STK17A: variants seen among roughly 807,000 people sequenced by gnomAD.
The protein encoded by STK17A is serine/threonine-protein kinase 17A.
A neutral mutation model predicts 43.7 loss-of-function variants in STK17A; 26 were observed. The observed-to-expected ratio is 0.60, with a 90% confidence interval of 0.44 to 0.83. STK17A has a LOEUF of 0.83. Ranked by LOEUF, STK17A falls within the 40% of genes least tolerant of loss-of-function variation. STK17A has a pLI of 0.00. For missense variants in STK17A, 476 were observed against 511.6 expected, an observed-to-expected ratio of 0.93 and a Z score of 0.67; for synonymous variants, 191 against 182.5, an observed-to-expected ratio of 1.05 and a Z score of -0.38.
At chr7:43,594,157 C>G (rs2082499227) in intron 1 of STK17A, among the ~76,000 whole-genome samples, 1 of 151,888 alleles carries the variant, frequency 6.6e-6, no homozygotes, top group Non-Finnish European at 1.5e-5. Flanking sequence ...ATACAGGAGG[C>G]TGAGGTGGGA....
rs1422330143 is a variant in STK17A at position 43,624,835 on chromosome 7, TCTA to T, written c.1241_1243del (p.Tyr414del). 2 of 1,597,460 alleles carry T rather than the reference TCTA, an allele frequency of 1.3e-6. No homozygotes were observed. Among genetic ancestry groups the T allele is most frequent in the African/African-American group, 2.7e-5 (2 of 73,988 alleles). On this transcript the variant is annotated inframe_deletion, in exon 7 of 7. Transcript: ENST00000319357. ...CTACAAGAAATTCCAGGAGAATTTA[TCTA>T]CTGAGCAATATTTCCCTTTAGAACT...
At chr7:43,619,392 G>A (rs2083641331) in intron 3 of STK17A, among the ~76,000 whole-genome samples, 1 of 152,146 alleles carries the variant, frequency 6.6e-6, no homozygotes, top group Non-Finnish European at 1.5e-5. Context: ...GCCAGAGTAG[G>A]GGAAGAGATT....
rs1437874047 is a variant in STK17A at position 43,583,416 on chromosome 7, G to A, written c.173G>A (p.Gly58Asp). The A allele has an allele frequency of 1.4e-6, 2 of 1,414,432 alleles. No individual in the cohort carries two copies. The highest frequency in any genetic ancestry group is 9.2e-7 in the Non-Finnish European group (1 of 1,082,680). 87.6% of individuals were successfully genotyped at this position (1,414,432 alleles called of 1,614,324 possible). The change falls in exon 1 of 7, where the codon GGC becomes GAC. Residue 58 changes from glycine (G) to aspartate (D), a missense_variant. Gly to Asp is a moderately conservative substitution (Grantham distance 94). This residue lies in a region of STK17A where 320 missense variants were observed against 326.3 expected (regional missense o/e 0.98). Coordinates refer to ENST00000319357, the MANE Select transcript of STK17A (RefSeq NM_004760.3). ...GTGCGCACCGAGCCCTTCCAGGACG[G>A]CTACAGCCTGTGCCCGGGCCGGGAG... is the stretch of plus-strand genomic sequence containing the variant. ...AVVRTEPFQD[G>D]YSLCPGRELG...
intron 4 of STK17A, 105 bp from the exon 5 acceptor site, chr7:43,623,467 T>C (rs960629421): frequency 8.0e-6 from 7 of 876,980 alleles, no homozygotes; most frequent in Admixed American, 2.4e-5. Flanking sequence ...AGCCCAAACG[T>C]TGGATAGTGC....
intron 3 of STK17A, among the ~76,000 whole-genome samples, chr7:43,610,592 G>A (rs28637146): frequency 0.14 from 21,837 of 151,468 alleles, 2,079 homozygotes; most frequent in Non-Finnish European, 0.21. Context: ...GCTTGAATCC[G>A]GGAGGTGGAG....
Position 43,624,929 on chromosome 7 carries a change from G to C in STK17A, c.*87G>C, listed in dbSNP as rs960151636. Reference sequence around the variant, plus strand: ...CCTCTGGCCAAATGGTACATGTACTGGAAGTGGATAACCAGTATCACTTAC... The same window carrying C: ...CCTCTGGCCAAATGGTACATGTACTCGAAGTGGATAACCAGTATCACTTAC... On this transcript the variant is annotated 3_prime_UTR_variant, in exon 7 of 7. Coordinates refer to ENST00000319357, the MANE Select transcript of STK17A (RefSeq NM_004760.3). 1.7e-6 allele frequency: 2 copies of C among 1,186,504 alleles called. No homozygotes were observed. Among genetic ancestry groups the C allele is most frequent in the Non-Finnish European group, 2.3e-6 (2 of 853,572 alleles). 73.5% of individuals were successfully genotyped at this position (1,186,504 alleles called of 1,614,324 possible).
At position 43,619,585 on chromosome 7, in the gene STK17A, A is replaced by G; in HGVS notation, c.565-12A>G. 1 of 1,610,336 alleles carries G rather than the reference A, an allele frequency of 6.2e-7. No homozygotes were observed. Among genetic ancestry groups the G allele is most frequent in the South Asian group, 1.1e-5 (1 of 90,244 alleles). On this transcript the variant is annotated splice_polypyrimidine_tract_variant and intron_variant, in intron 3 of 6. Transcript: ENST00000319357. ...GTTATATTGATTTTTGCGGGGGTGT[A>G]TTTTCTTTTAGCCTCAGAATATTCT...
chr7:43,591,509 C>T (rs911624014), intron 1 of STK17A, among the ~76,000 whole-genome samples: 1 of 151,298 alleles, frequency 6.6e-6, no homozygotes, highest in Non-Finnish European at 1.5e-5. Flanking sequence ...CTTGCTGACC[C>T]TAGTATAGTA....
rs776055260 is a variant in STK17A at position 43,623,554 on chromosome 7, TTC to T, written c.692-14_692-13del. 6.2e-7 allele frequency: 1 copy of T among 1,603,836 alleles called. No homozygotes were observed. The highest frequency in any genetic ancestry group is 1.3e-5 in the African/African-American group (1 of 74,568). On this transcript the variant is annotated splice_polypyrimidine_tract_variant and intron_variant, in intron 4 of 6. Transcript: ENST00000319357. ...TTTTTCCACAAAACTAAATGTTTTCTTCTCTTTCTGATACTAGCTCCTGAAAT... is the reference window on the plus strand; with the variant it reads ...TTTTTCCACAAAACTAAATGTTTTCTTCTTTCTGATACTAGCTCCTGAAAT...
intron 3 of STK17A, among the ~76,000 whole-genome samples, chr7:43,615,790 TC>T (rs1363265561): frequency 6.6e-6 from 1 of 152,102 alleles, no homozygotes; most frequent in Admixed American, 6.6e-5. Flanking sequence ...ATACTTCTCT[TC>T]CCTCTGCCTG....
chr7:43,625,089 G>T lies in STK17A; in HGVS notation c.*247G>T. The T allele has an allele frequency of 3.0e-6, 1 of 338,650 alleles. No homozygotes were observed. Among genetic ancestry groups the T allele is most frequent in the Non-Finnish European group, 5.4e-6 (1 of 186,180 alleles). The allele number at this position is 338,650 out of a possible 1,614,324, so 21.0% of individuals were successfully genotyped here. ...TAAGAAGGGAGATGTTGGCACCTTT[G>T]AATTCTACATCCTGTTTCTCCAGAA... On this transcript the variant is annotated 3_prime_UTR_variant, in exon 7 of 7. Transcript: ENST00000319357.
intron 1 of STK17A, among the ~76,000 whole-genome samples, chr7:43,592,569 G>C (rs767992557): frequency 6.6e-6 from 1 of 151,932 alleles, no homozygotes; most frequent in Non-Finnish European, 1.5e-5. Context: ...AACAGGGCAG[G>C]CCAGGCATGG....
chr7:43,620,567 G>A (rs10246823), intron 4 of STK17A, among the ~76,000 whole-genome samples: 22,271 of 151,924 alleles, frequency 0.15, 2,169 homozygotes, highest in Non-Finnish European at 0.21. Context: ...CCAGCTACTC[G>A]GGAGGCTGAG....
chr7:43,608,838 A>T (rs538191145), intron 3 of STK17A: 1 of 150,576 alleles, frequency 6.6e-6, no homozygotes, highest in South Asian at 2.1e-4. Context: ...GGGGTTTCAT[A>T]TGTCATGAAG....
intron 1 of STK17A, among the ~76,000 whole-genome samples, chr7:43,586,908 A>G (rs1049450899): frequency 6.6e-6 from 1 of 151,412 alleles, no homozygotes; most frequent in Non-Finnish European, 1.5e-5. Flanking sequence ...CAGTTTTACA[A>G]GTGCTTTCAC....
At chr7:43,600,498 T>C (rs756531485) in intron 2 of STK17A, among the ~76,000 whole-genome samples, 24 of 152,284 alleles carry the variant, frequency 1.6e-4, no homozygotes, top group Admixed American at 3.3e-4. Context: ...ACAAGTGATA[T>C]GAAGAGAAAT....
At chr7:43,606,129 C>G (rs1240244109) in intron 2 of STK17A, among the ~76,000 whole-genome samples, 3 of 151,284 alleles carry the variant, frequency 2.0e-5, no homozygotes, top group South Asian at 2.1e-4. Context: ...ATTTAAATAT[C>G]TTTCATTTTT....
At chr7:43,610,401 C>T (rs1027100496) in intron 3 of STK17A, among the ~76,000 whole-genome samples, 1 of 145,498 alleles carries the variant, frequency 6.9e-6, no homozygotes, top group Non-Finnish European at 1.5e-5. Context: ...TGTGGTGGCT[C>T]ATGCCTGTAA....
intron 4 of STK17A, 25 bp from the exon 5 acceptor site, chr7:43,623,546 AT>A (rs770499425): frequency 6.3e-7 from 1 of 1,599,286 alleles, no homozygotes; most frequent in Non-Finnish European, 8.5e-7. Flanking sequence ...ACAAAACTAA[AT>A]GTTTTCTTCT....
Sources: gnomAD v4.1 joint callset for allele counts (sites outside exome capture counted in the v4.1 genomes callset) on GRCh38, gnomAD v4.1.1 for gene constraint, gnomAD v4.1.1 regional missense constraint, MANE v1.5 for transcripts, NCBI Gene and HGNC (gene_info 2026-07-23, HGNC 2026-07-21) for gene names.